Variants in CSMD1 observed in about 807,000 individuals in gnomAD.
The protein encoded by CSMD1 is CUB and Sushi multiple domains 1.
Under a neutral mutation model 417.5 loss-of-function variants are expected in CSMD1, and 213 were observed. The ratio of observed to expected loss-of-function variants is 0.51; its 90% CI spans 0.46 to 0.57. The LOEUF is 0.57. Among genes scored for constraint, CSMD1 ranks in the 20% least tolerant of loss-of-function variants. The pLI, the probability that CSMD1 is intolerant of heterozygous loss-of-function variation, is 0.00. For synonymous variants in CSMD1, 2,862 were observed against 1,736.8 expected, an observed-to-expected ratio of 1.65 and a Z score of -16.11; for missense variants, 6,923 against 4,529.7, an observed-to-expected ratio of 1.53 and a Z score of -15.17.
chr8:4,478,633 G>C (rs889663422), intron 2 of CSMD1, among the ~76,000 whole-genome samples: 1 of 152,148 alleles, frequency 6.6e-6, no homozygotes, highest in Non-Finnish European at 1.5e-5. Context: ...AACTATCAGA[G>C]AGGAAACTAT....
chr8:2,986,022 G>A (rs1805875099), intron 54 of CSMD1, among the ~76,000 whole-genome samples: 1 of 143,916 alleles, frequency 6.9e-6, no homozygotes, highest in Non-Finnish European at 1.5e-5. Flanking sequence ...AGGGAGGGAG[G>A]GAGAAAACCG....
chr8:4,191,137 C>T (rs979495657), intron 3 of CSMD1, among the ~76,000 whole-genome samples: 4 of 152,136 alleles, frequency 2.6e-5, no homozygotes, highest in Non-Finnish European at 5.9e-5. Context: ...TAGCTCATGC[C>T]TGTAATCCCA....
chr8:3,675,984 A>G (rs948383054), intron 7 of CSMD1, among the ~76,000 whole-genome samples: 2 of 152,158 alleles, frequency 1.3e-5, no homozygotes, highest in African/African-American at 4.8e-5. Context: ...TCCCAGTCAG[A>G]GACTCTGTAA....
chr8:2,948,837 C>T (rs1051581400), intron 68 of CSMD1, among the ~76,000 whole-genome samples: 8 of 151,978 alleles, frequency 5.3e-5, no homozygotes, highest in Non-Finnish European at 1.2e-4. Flanking sequence ...TGCTATCAAC[C>T]CCAAACCAAT....
chr8:3,881,618 A>AC (rs978596054), intron 5 of CSMD1, among the ~76,000 whole-genome samples: 6 of 139,132 alleles, frequency 4.3e-5, no homozygotes, highest in African/African-American at 9.0e-5. Flanking sequence ...CAAAAAAAAA[A>AC]AAAACAAAAA....
At chr8:4,293,034 T>G (rs1797459528) in intron 3 of CSMD1, among the ~76,000 whole-genome samples, 2 of 152,150 alleles carry the variant, frequency 1.3e-5, no homozygotes, top group Non-Finnish European at 2.9e-5. Context: ...TGGTTATGGC[T>G]TGAGAAGGGG....
At chr8:3,734,350 T>C (rs1157519372) in intron 6 of CSMD1, among the ~76,000 whole-genome samples, 4 of 152,198 alleles carry the variant, frequency 2.6e-5, no homozygotes, top group Non-Finnish European at 4.4e-5. Flanking sequence ...TGAGGGCTGT[T>C]CGACAGCATC....
At chr8:2,966,134 T>A (rs1158695605) in intron 58 of CSMD1, among the ~76,000 whole-genome samples, 180 bp from the exon 59 acceptor site, 1 of 152,198 alleles carries the variant, frequency 6.6e-6, no homozygotes, top group African/African-American at 2.4e-5. Flanking sequence ...GAAGGAACAC[T>A]TGTATTTTGA....
intron 29 of CSMD1, 133 bp downstream of exon 29, chr8:3,219,120 ATC>A: frequency 1.6e-6 from 1 of 645,142 alleles, no homozygotes; most frequent in Non-Finnish European, 2.6e-6. Context: ...GGAGACATGT[ATC>A]TTCCCAGACA....
chr8:4,499,091 G>A (rs757118377), intron 2 of CSMD1, among the ~76,000 whole-genome samples: 38 of 152,120 alleles, frequency 2.5e-4, no homozygotes, highest in Non-Finnish European at 4.9e-4. Flanking sequence ...ACACAGAAAT[G>A]AAATGTTAAA....
At chr8:4,296,008 T>C (rs1244851532) in intron 3 of CSMD1, among the ~76,000 whole-genome samples, 3 of 151,818 alleles carry the variant, frequency 2.0e-5, no homozygotes, top group South Asian at 2.1e-4. Flanking sequence ...AGACTTTATC[T>C]CCAACAACAT....
intron 2 of CSMD1, among the ~76,000 whole-genome samples, chr8:4,605,345 T>C (rs562123604): frequency 2.6e-5 from 4 of 152,170 alleles, no homozygotes; most frequent in Non-Finnish European, 4.4e-5. Context: ...CCAAAATGAA[T>C]TATCTATGAG....
At chr8:4,622,102 C>G (rs1489171068) in intron 2 of CSMD1, among the ~76,000 whole-genome samples, 1 of 150,086 alleles carries the variant, frequency 6.7e-6, no homozygotes. Context: ...CAAAATCTCT[C>G]ATCAGGGAAA....
rs551726377 is a variant in CSMD1 at position 4,906,031 on chromosome 8, G to C, written c.85+88301C>G. 2.6e-4 allele frequency among the ~76,000 whole-genome samples: 40 copies of C among 152,028 alleles called. 1 individual carries two copies. Among genetic ancestry groups the C allele is most frequent in the Non-Finnish European group, 4.6e-4 (31 of 67,982 alleles). ...CTGATCCGATAAATTAAAATAGAAA[G>C]CATATTAAAAAATATACTGTAAGAA... On this transcript the variant is annotated intron_variant, in intron 1 of 69. Transcript: ENST00000635120.
intron 3 of CSMD1, among the ~76,000 whole-genome samples, chr8:4,415,637 T>A (rs1261156744): frequency 1.3e-5 from 2 of 152,226 alleles, no homozygotes; most frequent in Non-Finnish European, 2.9e-5. Context: ...ATTCATTTCA[T>A]CTTTGTATTC....
chr8:3,761,563 T>C (rs920440718), intron 5 of CSMD1, among the ~76,000 whole-genome samples: 12 of 134,930 alleles, frequency 8.9e-5, no homozygotes, highest in African/African-American at 3.0e-4. Context: ...TGGAGTGAAA[T>C]GAGATGATCT....
At chr8:3,977,050 T>C (rs1813488726) in intron 5 of CSMD1, among the ~76,000 whole-genome samples, 2 of 152,212 alleles carry the variant, frequency 1.3e-5, no homozygotes, top group Non-Finnish European at 2.9e-5. Context: ...TACAACCATC[T>C]TTTCTTGAAT....
chr8:4,721,264 T>C (rs1809035452), intron 1 of CSMD1, among the ~76,000 whole-genome samples: 2 of 152,232 alleles, frequency 1.3e-5, no homozygotes, highest in Admixed American at 1.3e-4. Flanking sequence ...ATGCCTAGTA[T>C]CATGTTTAAC....
intron 5 of CSMD1, among the ~76,000 whole-genome samples, chr8:3,820,416 T>C (rs1194174638): frequency 6.6e-6 from 1 of 152,176 alleles, no homozygotes; most frequent in Non-Finnish European, 1.5e-5. Flanking sequence ...TACATTAGCT[T>C]AGGCCTACAC....
Sources: allele counts gnomAD v4.1 joint callset (sites outside exome capture counted in the v4.1 genomes callset), GRCh38; gene constraint gnomAD v4.1.1; transcripts MANE v1.5; gene names NCBI Gene and HGNC (gene_info 2026-07-23, HGNC 2026-07-21).